TFDP2: variants seen among roughly 807,000 people sequenced by gnomAD.
The protein encoded by TFDP2 is transcription factor Dp-2.
Under a neutral mutation model 59.3 loss-of-function variants are expected in TFDP2, and 17 were observed. That is an observed-to-expected ratio of 0.29 (90% CI 0.20 to 0.43). TFDP2 has a LOEUF of 0.43. Among genes scored for constraint, TFDP2 ranks in the 20% least tolerant of loss-of-function variants. The probability of loss-of-function intolerance (pLI) is 1.00; values close to 1 mark genes in which losing one functional copy is unlikely to be tolerated. For missense variants in TFDP2, 391 were observed against 528.8 expected (o/e 0.74, Z 2.56); for synonymous variants, 180 against 194.7 (o/e 0.92, Z 0.63).
At chr3:141,953,086 G>A in intron 11 of TFDP2, 70 bp from the exon 12 acceptor site, 1 of 1,113,626 alleles carries the variant, frequency 9.0e-7, no homozygotes, top group Non-Finnish European at 1.4e-6. Context: ...TACAGTCTGA[G>A]GAAAGCACAG....
chr3:141,947,669 A>G lies in TFDP2; in HGVS notation c.*4844T>C, dbSNP rs1356269038. 2.0e-5 allele frequency: 3 copies of G among 152,202 alleles called. No individual in the cohort carries two copies. In the East Asian group the frequency reaches 5.8e-4, roughly 29 times the overall value. The allele number at this position is 152,202 out of a possible 1,614,324, so 9.4% of individuals were successfully genotyped here. A position where few individuals can be genotyped will look rare whatever the true frequency, so the allele number is the denominator to read the frequency against. Reference sequence around the variant, plus strand: ...TGACAATCTTCTCTTGGTTTACAGAAATTGCTGGTAGCTAACTTTGCTTTG... The same window carrying G: ...TGACAATCTTCTCTTGGTTTACAGAGATTGCTGGTAGCTAACTTTGCTTTG... On this transcript the variant is annotated 3_prime_UTR_variant, in exon 13 of 13. Coordinates refer to ENST00000489671, the MANE Select transcript of TFDP2 (RefSeq NM_001178139.2).
rs778842186 is a variant in TFDP2, at chr3:141,970,101, C to T, written c.704G>A (p.Arg235Gln). The T allele has an allele frequency of 6.8e-6, 11 of 1,613,998 alleles. No individual in the cohort carries two copies. The highest frequency in any genetic ancestry group is 6.7e-5 in the East Asian group (3 of 44,884). ...QRRIERIKQK[R>Q]AQLQELLLQQ... ...TAGGAGAAGTTCTTGCAGCTGGGCCCGCTTCTGCTTTATCCGTTCTATCCG... is the reference window on the plus strand; with the variant it reads ...TAGGAGAAGTTCTTGCAGCTGGGCCTGCTTCTGCTTTATCCGTTCTATCCG... The change falls in exon 9 of 13, where the codon CGG becomes CAG. Residue 235 changes from arginine to glutamine, a missense_variant. By Grantham distance (43) the Arg-to-Gln change is conservative. Coordinates refer to ENST00000489671, the MANE Select transcript of TFDP2 (RefSeq NM_001178139.2).
chr3:142,066,927 G>GA (rs1178149801), intron 3 of TFDP2, among the ~76,000 whole-genome samples: 2 of 151,936 alleles, frequency 1.3e-5, no homozygotes, highest in Non-Finnish European at 1.5e-5. Context: ...AACAGGGGCA[G>GA]AAAAAACATT....
chr3:141,988,314 A>G (rs892202209), intron 6 of TFDP2, among the ~76,000 whole-genome samples: 1 of 152,182 alleles, frequency 6.6e-6, no homozygotes, highest in African/African-American at 2.4e-5. Flanking sequence ...GCCACTTACC[A>G]TAATGAGTAG....
intron 3 of TFDP2, among the ~76,000 whole-genome samples, chr3:142,084,503 T>C (rs1482939985): frequency 6.6e-6 from 1 of 152,224 alleles, no homozygotes; most frequent in Non-Finnish European, 1.5e-5. Flanking sequence ...AATCAGTATA[T>C]TGAAGAGACA....
intron 11 of TFDP2, among the ~76,000 whole-genome samples, chr3:141,957,129 C>T (rs1196811123): frequency 6.6e-6 from 1 of 152,050 alleles, no homozygotes; most frequent in Non-Finnish European, 1.5e-5. Context: ...TCAGCCTGGC[C>T]AACATGGTGA....
At chr3:142,097,783 G>A (rs978639626) in intron 2 of TFDP2, among the ~76,000 whole-genome samples, 7 of 152,138 alleles carry the variant, frequency 4.6e-5, no homozygotes, top group African/African-American at 7.2e-5. Flanking sequence ...AGCCAGGCAC[G>A]GTGGCTCATG....
intron 8 of TFDP2, among the ~76,000 whole-genome samples, chr3:141,971,757 T>C (rs543002568): frequency 9.9e-5 from 15 of 152,130 alleles, no homozygotes; most frequent in Non-Finnish European, 2.1e-4. Flanking sequence ...AAGAGAGTCT[T>C]CTCTATTTTA....
intron 1 of TFDP2, among the ~76,000 whole-genome samples, chr3:142,109,844 C>T (rs1042599110): frequency 5.3e-5 from 8 of 152,050 alleles, no homozygotes; most frequent in South Asian, 2.1e-4. Flanking sequence ...GCATTTTACA[C>T]GTTAAACAGA....
At chr3:142,087,549 G>A (rs1306335849) in intron 3 of TFDP2, among the ~76,000 whole-genome samples, 1 of 149,056 alleles carries the variant, frequency 6.7e-6, no homozygotes, top group Non-Finnish European at 1.5e-5. Context: ...CACCTAGGCT[G>A]GAGTTCAGTG....
chr3:142,024,689 GGTA>G (rs1405702580), intron 3 of TFDP2, among the ~76,000 whole-genome samples: 1 of 152,094 alleles, frequency 6.6e-6, no homozygotes, highest in East Asian at 1.9e-4. Flanking sequence ...AAGAACTTCA[GGTA>G]CTCCTGAAGT....
At chr3:142,050,804 C>T (rs1438409834) in intron 3 of TFDP2, among the ~76,000 whole-genome samples, 1 of 151,900 alleles carries the variant, frequency 6.6e-6, no homozygotes, top group Admixed American at 6.6e-5. Context: ...GCTGAAATCA[C>T]TCCACTGCAC....
At chr3:142,038,781 T>C (rs1393562032) in intron 3 of TFDP2, among the ~76,000 whole-genome samples, 1 of 152,208 alleles carries the variant, frequency 6.6e-6, no homozygotes, top group Non-Finnish European at 1.5e-5. Flanking sequence ...AGTTTAACTT[T>C]TTGAACTTAA....
intron 8 of TFDP2, among the ~76,000 whole-genome samples, chr3:141,970,471 G>A (rs1442593591): frequency 3.3e-5 from 5 of 152,166 alleles, no homozygotes; most frequent in African/African-American, 4.8e-5. Flanking sequence ...CAACACAAAA[G>A]TAAGCATTTT....
chr3:142,061,006 T>G lies in TFDP2; in HGVS notation c.82+32055A>C, dbSNP rs542671431. Reference sequence around the variant, plus strand: ...AGCTGAAGCCAACAGGAAAATAACATTCAATCATAAAAGTATAATTCAACT... The same window carrying G: ...AGCTGAAGCCAACAGGAAAATAACAGTCAATCATAAAAGTATAATTCAACT... On this transcript the variant is annotated intron_variant, in intron 3 of 12. Coordinates refer to ENST00000489671, the MANE Select transcript of TFDP2 (RefSeq NM_001178139.2). Among the ~76,000 whole-genome samples, 6 of 152,340 alleles carry G rather than the reference T, an allele frequency of 3.9e-5. No homozygotes were observed. The South Asian group carries it at 1.0e-3, about 26-fold the overall frequency.
chr3:142,023,757 C>T (rs1011814677), intron 3 of TFDP2, among the ~76,000 whole-genome samples: 3 of 152,126 alleles, frequency 2.0e-5, no homozygotes, highest in African/African-American at 7.2e-5. Flanking sequence ...TAAAGTTAGA[C>T]ATCAATGTCA....
At chr3:142,131,053 C>CAAA (rs1223900505) in intron 1 of TFDP2, among the ~76,000 whole-genome samples, 2 of 79,426 alleles carry the variant, frequency 2.5e-5, no homozygotes, top group African/African-American at 4.8e-5. Context: ...AACTACGTCT[C>CAAA]AAAAAAAAAA....
At position 141,952,558 on chromosome 3, in the gene TFDP2, A is replaced by C. The variant is rs759757339; in HGVS notation, c.1296T>G (p.Asp432Glu). The C allele has an allele frequency of 1.3e-6, 2 of 1,560,634 alleles. No homozygotes were observed. Among genetic ancestry groups the C allele is most frequent in the Non-Finnish European group, 1.7e-6 (2 of 1,163,380 alleles). Reference protein sequence around the residue: ...SRGETPCSFNDEDEEDDEEDS... With the variant: ...SRGETPCSFNEEDEEDDEEDS... Reference sequence around the variant, plus strand: ...CCTCCTCATCATCTTCCTCATCTTCATCATTGAACGAACAGGGGGTCTCGC... The same window carrying C: ...CCTCCTCATCATCTTCCTCATCTTCCTCATTGAACGAACAGGGGGTCTCGC... Residue 432 changes from aspartate to glutamate, a missense_variant, in exon 13 of 13, where the codon GAT becomes GAG. Around this residue, in one of 3 missense-constraint regions of TFDP2, gnomAD observed 223 missense variants for 292.5 expected, o/e 0.76. Coordinates refer to ENST00000489671, the MANE Select transcript of TFDP2 (RefSeq NM_001178139.2).
intron 3 of TFDP2, among the ~76,000 whole-genome samples, chr3:142,018,810 G>T (rs1441956720): frequency 6.6e-6 from 1 of 151,732 alleles, no homozygotes; most frequent in African/African-American, 2.4e-5. Flanking sequence ...AACTCATTTT[G>T]GTCTTATTTT....
Sources: allele counts gnomAD v4.1 joint callset (sites outside exome capture counted in the v4.1 genomes callset), GRCh38; gene constraint gnomAD v4.1.1; regional missense constraint gnomAD v4.1.1; transcripts MANE v1.5; gene names NCBI Gene and HGNC (gene_info 2026-07-23, HGNC 2026-07-21).